Variants in PCDH7 observed in about 807,000 individuals in gnomAD.
PCDH7 encodes the protein protocadherin-7.
In PCDH7, 17 loss-of-function variants were observed where a neutral mutation model predicts 58.9. The observed-to-expected ratio is 0.29, with a 90% CI of 0.20 to 0.43. The LOEUF is 0.43. Ranked by LOEUF, PCDH7 falls within the 20% of genes least tolerant of loss-of-function variation. The pLI is 1.00. For synonymous variants in PCDH7, 664 were observed against 616.4 expected (o/e 1.08, Z -1.14); for missense variants, 1,274 against 1,441.0 (o/e 0.88, Z 1.88).
At chr4:31,124,869 T>A (rs1718111848) in intron 3 of PCDH7, among the ~76,000 whole-genome samples, 1 of 152,242 alleles carries the variant, frequency 6.6e-6, no homozygotes, top group African/African-American at 2.4e-5. Context: ...TCCTTTTTTC[T>A]GTTGTTAAGC....
chr4:31,097,817 C>T (rs1037459160), intron 3 of PCDH7, among the ~76,000 whole-genome samples: 5 of 151,330 alleles, frequency 3.3e-5, no homozygotes, highest in African/African-American at 1.2e-4. Context: ...GACATTAACT[C>T]TAATTAGGAT....
intron 3 of PCDH7, among the ~76,000 whole-genome samples, chr4:30,983,589 T>C (rs1233289642): frequency 6.6e-6 from 1 of 152,246 alleles, no homozygotes; most frequent in Non-Finnish European, 1.5e-5. Flanking sequence ...CATCACACTT[T>C]ATTTCAAATA....
At chr4:30,903,176 T>A (rs1222131774) in intron 1 of PCDH7, among the ~76,000 whole-genome samples, 8 of 152,116 alleles carry the variant, frequency 5.3e-5, no homozygotes, top group African/African-American at 1.9e-4. Context: ...ATTTAGTGAA[T>A]TTATTTTTCT....
intron 3 of PCDH7, among the ~76,000 whole-genome samples, chr4:31,070,963 G>A (rs1758497044): frequency 6.6e-6 from 1 of 152,046 alleles, no homozygotes; most frequent in Admixed American, 6.6e-5. Flanking sequence ...ACATTATGCA[G>A]TGTTTAGCTG....
At chr4:31,095,580 C>T (rs1713859071) in intron 3 of PCDH7, among the ~76,000 whole-genome samples, 1 of 152,142 alleles carries the variant, frequency 6.6e-6, no homozygotes, top group South Asian at 2.1e-4. Flanking sequence ...AAAATAATTT[C>T]AGTATAGATA....
At chr4:31,048,421 A>G (rs1214935302) in intron 3 of PCDH7, among the ~76,000 whole-genome samples, 1 of 152,094 alleles carries the variant, frequency 6.6e-6, no homozygotes, top group African/African-American at 2.4e-5. Flanking sequence ...AAATATTGAC[A>G]CTTTCTAATC....
At chr4:30,724,974 T>G in intron 1 of PCDH7, 1 of 1,028,396 alleles carries the variant, frequency 9.7e-7, no homozygotes, top group Non-Finnish European at 1.2e-6. Flanking sequence ...ACTAAGTGGA[T>G]AATTACATCC....
chr4:30,914,139 A>T (rs1742113033), intron 1 of PCDH7, among the ~76,000 whole-genome samples: 1 of 152,152 alleles, frequency 6.6e-6, no homozygotes. Context: ...AGATTTCCAG[A>T]AAATAAAGTG....
chr4:31,043,436 C>T (rs1467720118), intron 3 of PCDH7, among the ~76,000 whole-genome samples: 1 of 151,974 alleles, frequency 6.6e-6, no homozygotes, highest in Non-Finnish European at 1.5e-5. Context: ...CCACAACCTC[C>T]CCAGCATCTG....
intron 1 of PCDH7, among the ~76,000 whole-genome samples, chr4:30,912,927 T>A (rs555360515): frequency 1.2e-4 from 18 of 152,108 alleles, no homozygotes; most frequent in African/African-American, 4.3e-4. Flanking sequence ...TACGTCCGAT[T>A]GTGGGACATA....
chr4:30,976,888 C>A (rs376174872), intron 3 of PCDH7, among the ~76,000 whole-genome samples: 5 of 152,194 alleles, frequency 3.3e-5, no homozygotes, highest in South Asian at 2.1e-4. Flanking sequence ...TGTTTTATTT[C>A]ATTAAAAATA....
intron 1 of PCDH7, among the ~76,000 whole-genome samples, chr4:30,859,071 T>C (rs1362435357): frequency 1.3e-5 from 2 of 152,180 alleles, no homozygotes; most frequent in Non-Finnish European, 2.9e-5. Flanking sequence ...TTTCCTTTTT[T>C]CTCCCTTCTC....
intron 1 of PCDH7, among the ~76,000 whole-genome samples, chr4:30,792,963 G>A (rs746025209): frequency 1.3e-5 from 2 of 152,024 alleles, no homozygotes; most frequent in Non-Finnish European, 2.9e-5. Flanking sequence ...AAAAAAGTAT[G>A]CCATTTTTTC....
intron 1 of PCDH7, among the ~76,000 whole-genome samples, chr4:30,917,398 A>G (rs1742614859): frequency 6.6e-6 from 1 of 152,192 alleles, no homozygotes; most frequent in Non-Finnish European, 1.5e-5. Context: ...AGCTAGTGAT[A>G]TAATGCTGAT....
chr4:31,041,744 CA>C (rs1755886498), intron 3 of PCDH7, among the ~76,000 whole-genome samples: 1 of 152,064 alleles, frequency 6.6e-6, no homozygotes, highest in Non-Finnish European at 1.5e-5. Flanking sequence ...TTCATCCAAT[CA>C]ATATGCTTCT....
chr4:30,900,332 T>C (rs11946614), intron 1 of PCDH7, among the ~76,000 whole-genome samples: 9,769 of 152,236 alleles, frequency 0.064, 402 homozygotes, highest in East Asian at 0.14. Context: ...AGTTCAATTA[T>C]CAGCTCCAAG....
chr4:30,911,129 A>T (rs1476245815), intron 1 of PCDH7, among the ~76,000 whole-genome samples: 1 of 152,038 alleles, frequency 6.6e-6, no homozygotes, highest in East Asian at 1.9e-4. Flanking sequence ...GGGCACAGGG[A>T]GAGGAACATC....
At chr4:31,009,612 T>G (rs977525899) in intron 3 of PCDH7, among the ~76,000 whole-genome samples, 12 of 152,002 alleles carry the variant, frequency 7.9e-5, no homozygotes, top group African/African-American at 2.9e-4. Flanking sequence ...TCAACTGTTT[T>G]TTTGTTATCA....
intron 3 of PCDH7, among the ~76,000 whole-genome samples, chr4:31,106,023 AAT>A (rs1553852445): frequency 4.0e-5 from 6 of 148,708 alleles, no homozygotes; most frequent in African/African-American, 7.5e-5. Flanking sequence ...AGAAAAAAAA[AAT>A]ATATATATAT....
Sources: gnomAD v4.1 joint callset for allele counts (sites outside exome capture counted in the v4.1 genomes callset) on GRCh38, gnomAD v4.1.1 for gene constraint, MANE v1.5 for transcripts, NCBI Gene and HGNC (gene_info 2026-07-23, HGNC 2026-07-21) for gene names.